Variants in RCOR1 observed in about 807,000 individuals in gnomAD.
RCOR1 encodes REST corepressor 1, also known as REST corepressor.
Under a neutral mutation model 64.0 loss-of-function variants are expected in RCOR1, and 12 were observed. That is an observed-to-expected ratio of 0.19 (90% CI 0.12 to 0.30). The LOEUF is 0.30. RCOR1 is among the 10% of genes least tolerant of loss of function. RCOR1 has a pLI of 1.00. For missense variants in RCOR1, 502 were observed against 621.2 expected (o/e 0.81, Z 2.04); for synonymous variants, 279 against 227.2 (o/e 1.23, Z -2.05).
chr14:102,603,451 A>C (rs2139882316), intron 2 of RCOR1, among the ~76,000 whole-genome samples: 1 of 151,974 alleles, frequency 6.6e-6, no homozygotes, highest in South Asian at 2.1e-4. Flanking sequence ...TGGCCTCCGG[A>C]GTAGCTGGGT....
At chr14:102,632,763 CCCTCCCCTCT>C (rs1320568418) in intron 2 of RCOR1, among the ~76,000 whole-genome samples, 3 of 31,830 alleles carry the variant, frequency 9.4e-5, no homozygotes, top group African/African-American at 3.1e-4. Context: ...CCCTCCCCTC[CCCTCCCCTCT>C]CCTCCCCTCT....
At chr14:102,660,645 A>T (rs74843568) in intron 2 of RCOR1, among the ~76,000 whole-genome samples, 19,448 of 152,196 alleles carry the variant, frequency 0.13, 1,503 homozygotes, top group African/African-American at 0.21. Flanking sequence ...TTGATTAGAG[A>T]TGTGAACCAC....
At chr14:102,726,330 C>CAA (rs768839492) in intron 11 of RCOR1, 138 bp from the exon 12 acceptor site, 375 of 621,726 alleles carry the variant, frequency 6.0e-4, no homozygotes, top group Admixed American at 7.8e-4. Flanking sequence ...GTCTCCCCTC[C>CAA]AAAAAAAAAA....
chr14:102,700,461 G>T (rs180800704), intron 3 of RCOR1, among the ~76,000 whole-genome samples: 2 of 152,310 alleles, frequency 1.3e-5, no homozygotes, highest in Admixed American at 1.3e-4. Flanking sequence ...ACCTCAAAGT[G>T]ATTCGCCTGC....
chr14:102,659,284 CAA>C, intron 2 of RCOR1: 1 of 984,090 alleles, frequency 1.0e-6, no homozygotes, highest in Non-Finnish European at 1.2e-6. Flanking sequence ...ACTATCAAAA[CAA>C]ATGTCTCATC....
At chr14:102,706,859 A>G (rs867953537) in intron 4 of RCOR1, among the ~76,000 whole-genome samples, 39 of 151,614 alleles carry the variant, frequency 2.6e-4, no homozygotes, top group Middle Eastern at 6.9e-3. Context: ...ATTTTTTAAA[A>G]TTTATTTTAG....
At chr14:102,594,694 T>C (rs1341575306) in intron 2 of RCOR1, among the ~76,000 whole-genome samples, 1 of 152,076 alleles carries the variant, frequency 6.6e-6, no homozygotes, top group East Asian at 1.9e-4. Context: ...ACTTCTCGTT[T>C]ATGAGTGACA....
intron 2 of RCOR1, among the ~76,000 whole-genome samples, chr14:102,623,101 C>G (rs1355326339): frequency 6.6e-6 from 1 of 152,096 alleles, no homozygotes; most frequent in Non-Finnish European, 1.5e-5. Flanking sequence ...TCATCCACAT[C>G]TTAAAAGCAC....
intron 2 of RCOR1, among the ~76,000 whole-genome samples, chr14:102,665,853 C>T (rs541153442): frequency 2.0e-5 from 3 of 152,090 alleles, no homozygotes; most frequent in South Asian, 2.1e-4. Flanking sequence ...GTTACTGGCA[C>T]GTAGTAATAG....
chr14:102,690,386 C>G (rs573220988), intron 3 of RCOR1, among the ~76,000 whole-genome samples: 9 of 152,028 alleles, frequency 5.9e-5, no homozygotes, highest in Admixed American at 4.6e-4. Context: ...AAGTTAAAGT[C>G]AAAAGAACCT....
chr14:102,614,224 CTTTT>C (rs5811076), intron 2 of RCOR1, among the ~76,000 whole-genome samples: 2 of 106,148 alleles, frequency 1.9e-5, no homozygotes, highest in Admixed American at 1.9e-4. Flanking sequence ...ACATCTGGCT[CTTTT>C]TTTTTTTTTT....
intron 6 of RCOR1, among the ~76,000 whole-genome samples, chr14:102,710,588 C>A (rs959881347): frequency 6.6e-6 from 1 of 152,076 alleles, no homozygotes; most frequent in Non-Finnish European, 1.5e-5. Context: ...ATATCCTAGT[C>A]CTCAATAGAT....
At chr14:102,694,118 T>C (rs927430464) in intron 3 of RCOR1, among the ~76,000 whole-genome samples, 24 of 152,210 alleles carry the variant, frequency 1.6e-4, no homozygotes, top group Non-Finnish European at 3.1e-4. Context: ...CTTTTCATTT[T>C]CATCACTGCC....
chr14:102,650,862 C>T (rs117306874), intron 2 of RCOR1: 5 of 336,062 alleles, frequency 1.5e-5, no homozygotes, highest in African/African-American at 2.3e-5. Context: ...TTTAAACTTA[C>T]GGGACTTGAT....
intron 2 of RCOR1, among the ~76,000 whole-genome samples, chr14:102,664,877 C>T (rs966857403): frequency 2.6e-5 from 4 of 152,104 alleles, no homozygotes; most frequent in Non-Finnish European, 4.4e-5. Flanking sequence ...CTTAAGCATT[C>T]GACTTAGTAT....
At chr14:102,664,967 G>C (rs1028113876) in intron 2 of RCOR1, among the ~76,000 whole-genome samples, 3 of 152,120 alleles carry the variant, frequency 2.0e-5, no homozygotes, top group Admixed American at 1.3e-4. Flanking sequence ...TCCTCGGCTA[G>C]CAATATGTGG....
At position 102,676,284 on chromosome 14, in the gene RCOR1, C is replaced by T. The variant is rs537408714; in HGVS notation, c.362-5611C>T. ...GGGGCTCCTCGCTTCCCAGTAGGGG[C>T]GGCCGGGCAGAAGCGCCCCTCACCT... is the stretch of plus-strand genomic sequence containing the variant. On this transcript the variant is annotated intron_variant, in intron 2 of 11. Coordinates refer to ENST00000262241, the MANE Select transcript of RCOR1 (RefSeq NM_015156.4). Among the ~76,000 whole-genome samples the T allele has an allele frequency of 8.7e-3, 1,288 of 148,056 alleles. 15 individuals are homozygous for T. The highest frequency in any genetic ancestry group is 0.031 in the African/African-American group (1,214 of 38,884).
At chr14:102,601,364 C>T (rs188330356) in intron 2 of RCOR1, among the ~76,000 whole-genome samples, 17 of 152,356 alleles carry the variant, frequency 1.1e-4, no homozygotes, top group Middle Eastern at 3.4e-3. Context: ...GCTAAAGCCT[C>T]ATTCCCGCCT....
At chr14:102,624,859 A>C (rs1245005258) in intron 2 of RCOR1, among the ~76,000 whole-genome samples, 1 of 151,982 alleles carries the variant, frequency 6.6e-6, no homozygotes, top group Non-Finnish European at 1.5e-5. Flanking sequence ...TGTGGGGGAA[A>C]GCCCAATACC....
Sources: allele counts gnomAD v4.1 joint callset (sites outside exome capture counted in the v4.1 genomes callset), GRCh38; gene constraint gnomAD v4.1.1; transcripts MANE v1.5; gene names NCBI Gene and HGNC (gene_info 2026-07-23, HGNC 2026-07-21).